The following LRMDA variants were observed in gnomAD, a reference collection of about 807,000 sequenced individuals.
The protein encoded by LRMDA is leucine-rich melanocyte differentiation-associated protein.
Under a neutral mutation model 29.8 loss-of-function variants are expected in LRMDA, and 18 were observed. The observed-to-expected ratio is 0.60, with a 90% CI of 0.42 to 0.90. The LOEUF (loss-of-function observed/expected upper bound fraction) is 0.90. LRMDA is among the 40% of genes least tolerant of loss of function. LRMDA has a pLI of 0.00. For missense variants in LRMDA, 273 were observed against 273.9 expected, an observed-to-expected ratio of 1.00 and a Z score of 0.02; for synonymous variants, 125 against 109.4, an observed-to-expected ratio of 1.14 and a Z score of -0.89.
intron 6 of LRMDA, among the ~76,000 whole-genome samples, chr10:76,376,178 G>A (rs1015440396): frequency 1.8e-4 from 27 of 152,110 alleles, no homozygotes; most frequent in African/African-American, 6.0e-4. Context: ...AGCCTCCAGT[G>A]TCTATTATTC....
At chr10:76,056,357 G>A (rs1014242269) in intron 4 of LRMDA, among the ~76,000 whole-genome samples, 9 of 152,232 alleles carry the variant, frequency 5.9e-5, no homozygotes, top group Non-Finnish European at 1.3e-4. Flanking sequence ...TTACGAAACT[G>A]GTAGCCCAGC....
intron 2 of LRMDA, among the ~76,000 whole-genome samples, chr10:75,615,201 G>A (rs1303758154): frequency 2.6e-5 from 4 of 152,172 alleles, no homozygotes; most frequent in Non-Finnish European, 5.9e-5. Context: ...TGTGATATCT[G>A]ACTGCTCAAG....
chr10:75,831,142 T>C (rs368521289), intron 2 of LRMDA, among the ~76,000 whole-genome samples: 27 of 152,038 alleles, frequency 1.8e-4, no homozygotes, highest in African/African-American at 6.0e-4. Context: ...GCCTCCTGGG[T>C]TCACGCCATT....
At chr10:75,860,955 T>G (rs1168370364) in intron 2 of LRMDA, among the ~76,000 whole-genome samples, 3 of 152,182 alleles carry the variant, frequency 2.0e-5, no homozygotes, top group African/African-American at 7.2e-5. Context: ...ATTATTGACC[T>G]CTCAGGATGG....
In LRMDA at chr10:76,558,022, A is replaced by C. The variant is rs182285092; in HGVS notation, c.*734A>C. On this transcript the variant is annotated 3_prime_UTR_variant, in exon 7 of 7. Transcript: ENST00000611255. ...CCTGACTACAAAAGCGTGGACTTTT[A>C]TCTTGTTTCATTCAACTCTAAATCC... The C allele has an allele frequency of 2.0e-5, 3 of 152,356 alleles. No homozygotes were observed. Among genetic ancestry groups the C allele is most frequent in the Admixed American group, 2.0e-4 (3 of 15,296 alleles). 9.4% of individuals were successfully genotyped at this position (152,356 alleles called of 1,614,324 possible).
At chr10:76,396,628 C>T (rs1303903013) in intron 6 of LRMDA, 7 of 152,152 alleles carry the variant, frequency 4.6e-5, no homozygotes, top group South Asian at 4.1e-4. Flanking sequence ...CCGGTGATGC[C>T]GATGATCCAG....
At chr10:75,571,054 A>C (rs1264349880) in intron 2 of LRMDA, among the ~76,000 whole-genome samples, 2 of 152,230 alleles carry the variant, frequency 1.3e-5, no homozygotes, top group Non-Finnish European at 2.9e-5. Context: ...GGATAGGGGC[A>C]TCTAGGAAGA....
At chr10:76,122,778 G>A (rs1849812298) in intron 5 of LRMDA, among the ~76,000 whole-genome samples, 1 of 152,116 alleles carries the variant, frequency 6.6e-6, no homozygotes, top group Admixed American at 6.5e-5. Flanking sequence ...TGTTAGGCTT[G>A]CCTTTCTGGG....
chr10:76,393,173 C>T (rs899780309), intron 6 of LRMDA, among the ~76,000 whole-genome samples: 1 of 152,056 alleles, frequency 6.6e-6, no homozygotes, highest in Non-Finnish European at 1.5e-5. Context: ...ATACTGATTT[C>T]ATTTCTTTTG....
intron 5 of LRMDA, among the ~76,000 whole-genome samples, chr10:76,285,032 T>G (rs1283417168): frequency 6.6e-6 from 1 of 152,202 alleles, no homozygotes; most frequent in Non-Finnish European, 1.5e-5. Context: ...GGGATGCTTT[T>G]TGATTTCCAT....
intron 2 of LRMDA, among the ~76,000 whole-genome samples, chr10:75,548,028 T>C (rs1840099394): frequency 6.6e-6 from 1 of 152,122 alleles, no homozygotes; most frequent in South Asian, 2.1e-4. Flanking sequence ...TTTTCATATT[T>C]ATTTTTCAGC....
Position 75,594,853 on chromosome 10 carries a change from GA to G in LRMDA, c.131+156361del, listed in dbSNP as rs368466679. Among the ~76,000 whole-genome samples the G allele has an allele frequency of 1.1e-4, 17 of 152,296 alleles. 1 individual carries two copies. The East Asian group carries it at 3.3e-3, about 29-fold the overall frequency. On this transcript the variant is annotated intron_variant, in intron 2 of 6. Transcript: ENST00000611255. ...ATGATCTAATGTACTTGTTCTGGGT[GA>G]ATGTTGGCTTGAAGATGAACTTTAG...
At chr10:75,571,648 G>A (rs12761720) in intron 2 of LRMDA, among the ~76,000 whole-genome samples, 3 of 152,002 alleles carry the variant, frequency 2.0e-5, no homozygotes, top group Non-Finnish European at 4.4e-5. Flanking sequence ...CTGCTAAGAG[G>A]CTTCAGGGAA....
In LRMDA at chr10:76,176,815, G is replaced by A. The variant is rs554271074; in HGVS notation, c.516+118032G>A. Among the ~76,000 whole-genome samples the A allele has an allele frequency of 2.6e-5, 4 of 152,298 alleles. No individual in the cohort carries two copies. In the South Asian group the frequency reaches 8.3e-4, roughly 32 times the overall value. On this transcript the variant is annotated intron_variant, in intron 5 of 6. Transcript: ENST00000611255. Reference sequence around the variant, plus strand: ...CTCAAAAAGAGAAAAATTATAAATTGCCAAGGTAGACCGTAACCCAAGAGG... The same window carrying A: ...CTCAAAAAGAGAAAAATTATAAATTACCAAGGTAGACCGTAACCCAAGAGG...
chr10:75,607,978 A>G (rs1425098101), intron 2 of LRMDA, among the ~76,000 whole-genome samples: 1 of 150,996 alleles, frequency 6.6e-6, no homozygotes, highest in Non-Finnish European at 1.5e-5. Context: ...TAATGCTGCC[A>G]TGAGCATGGG....
intron 6 of LRMDA, among the ~76,000 whole-genome samples, chr10:76,468,861 A>G (rs527488848): frequency 2.6e-5 from 4 of 152,296 alleles, no homozygotes; most frequent in Admixed American, 2.6e-4. Context: ...TAAAACATTA[A>G]GAGGCATGGA....
chr10:75,445,217 G>A (rs1231078657), intron 2 of LRMDA, among the ~76,000 whole-genome samples: 2 of 152,170 alleles, frequency 1.3e-5, no homozygotes, highest in African/African-American at 4.8e-5. Flanking sequence ...TGGGATTACA[G>A]GCATGAGCCA....
intron 2 of LRMDA, among the ~76,000 whole-genome samples, chr10:75,482,173 C>T (rs1387438419): frequency 6.6e-6 from 1 of 152,136 alleles, no homozygotes; most frequent in Non-Finnish European, 1.5e-5. Context: ...CTTGCTCAGG[C>T]CAGGGAAGCA....
At chr10:76,120,198 T>A (rs1332992234) in intron 5 of LRMDA, among the ~76,000 whole-genome samples, 1 of 151,632 alleles carries the variant, frequency 6.6e-6, no homozygotes, top group Non-Finnish European at 1.5e-5. Context: ...GATTTTTTTT[T>A]TTTTTTTTGA....
Sources: allele counts gnomAD v4.1 joint callset (sites outside exome capture counted in the v4.1 genomes callset), GRCh38; gene constraint gnomAD v4.1.1; transcripts MANE v1.5; gene names NCBI Gene and HGNC (gene_info 2026-07-23, HGNC 2026-07-21).